Variants in FAM78B observed in about 807,000 individuals in gnomAD.
FAM78B encodes family with sequence similarity 78 member B.
FAM78B carries 10 observed loss-of-function variants against 20.0 expected under a neutral mutation model. The ratio of observed to expected loss-of-function variants is 0.50; its 90% confidence interval spans 0.31 to 0.85. The LOEUF is 0.85. Among genes scored for constraint, FAM78B ranks in the 40% least tolerant of loss-of-function variants. The probability of loss-of-function intolerance (pLI) is 0.05; values close to 1 mark genes in which losing one functional copy is unlikely to be tolerated. For synonymous variants in FAM78B, 135 were observed against 132.8 expected (o/e 1.02, Z -0.12); for missense variants, 283 against 345.0 (o/e 0.82, Z 1.42).
At chr1:166,165,553 C>T (rs191510273) in intron 1 of FAM78B, among the ~76,000 whole-genome samples, 2 of 152,290 alleles carry the variant, frequency 1.3e-5, no homozygotes, top group Non-Finnish European at 2.9e-5. Flanking sequence ...TCCGGTTTCT[C>T]CAAAGGACGC....
chr1:166,106,437 AC>A (rs1413885959), intron 1 of FAM78B, among the ~76,000 whole-genome samples: 12 of 152,060 alleles, frequency 7.9e-5, no homozygotes, highest in African/African-American at 2.9e-4. Context: ...GTACCCTAAA[AC>A]TTAAATTAAA....
intron 1 of FAM78B, among the ~76,000 whole-genome samples, chr1:166,099,523 G>A (rs978512678): frequency 6.6e-6 from 1 of 152,146 alleles, no homozygotes; most frequent in East Asian, 1.9e-4. Context: ...CTGCCTTCAG[G>A]AGACTCACCT....
At chr1:166,117,298 C>T (rs1654297484) in intron 1 of FAM78B, among the ~76,000 whole-genome samples, 1 of 152,156 alleles carries the variant, frequency 6.6e-6, no homozygotes, top group Non-Finnish European at 1.5e-5. Context: ...ATGTAGTTTG[C>T]TGTTGCTGTA....
At chr1:166,114,488 G>C (rs1654184423) in intron 1 of FAM78B, among the ~76,000 whole-genome samples, 1 of 152,212 alleles carries the variant, frequency 6.6e-6, no homozygotes, top group Middle Eastern at 3.2e-3. Flanking sequence ...TTCCCCCCAG[G>C]AAGGGGTTTA....
chr1:166,147,394 C>T (rs530456691), intron 1 of FAM78B, among the ~76,000 whole-genome samples: 2 of 152,290 alleles, frequency 1.3e-5, no homozygotes, highest in East Asian at 3.9e-4. Context: ...CAGCTCAGGC[C>T]AGACCTTCTT....
In FAM78B at chr1:166,081,568, G is replaced by A. The variant is rs375315811; in HGVS notation, c.264-10805C>T. Among the ~76,000 whole-genome samples the A allele has an allele frequency of 1.2e-4, 18 of 152,244 alleles. No individual in the cohort carries two copies. In the South Asian group the frequency reaches 2.9e-3, roughly 25 times the overall value. On this transcript the variant is annotated intron_variant, in intron 1 of 1. Coordinates refer to ENST00000354422, the MANE Select transcript of FAM78B (RefSeq NM_001017961.5). ...CCAGGCTGTGTCCCTTACAAGGGTC[G>A]TGTCCCCTGACCACACAGCAAGCCC...
intron 1 of FAM78B, among the ~76,000 whole-genome samples, chr1:166,132,301 C>CTAAT (rs397813190): frequency 6.6e-6 from 1 of 151,746 alleles, no homozygotes. Context: ...TCTCCCCTAA[C>CTAAT]CCTCGCGGTG....
At chr1:166,143,541 T>C (rs181432292) in intron 1 of FAM78B, among the ~76,000 whole-genome samples, 17 of 152,298 alleles carry the variant, frequency 1.1e-4, no homozygotes, top group African/African-American at 3.8e-4. Context: ...TGGGGAACCT[T>C]AGGAGGCTTT....
At chr1:166,057,113 A>G (rs1293433439), downstream of FAM78B, among the ~76,000 whole-genome samples, 3 of 152,218 alleles carry the variant, frequency 2.0e-5, no homozygotes, top group Non-Finnish European at 4.4e-5. Flanking sequence ...TGTTGTTTAT[A>G]GGCCACCCAA....
intron 1 of FAM78B, among the ~76,000 whole-genome samples, chr1:166,151,685 T>C (rs895222470): frequency 2.0e-5 from 3 of 152,238 alleles, no homozygotes; most frequent in Non-Finnish European, 4.4e-5. Context: ...GTAGGAGCTG[T>C]ACCCAAATGT....
At position 166,070,612 on chromosome 1, in the gene FAM78B, T is replaced by G; in HGVS notation, c.415A>C (p.Asn139His). 6.2e-7 allele frequency: 1 copy of G among 1,613,776 alleles called. No individual in the cohort carries two copies. Among genetic ancestry groups the G allele is most frequent in the East Asian group, 2.2e-5 (1 of 44,880 alleles). The change falls in exon 2 of 2, where the codon AAT becomes CAT. Residue 139 changes from asparagine (N) to histidine (H), a missense_variant. Coordinates refer to ENST00000354422, the MANE Select transcript of FAM78B (RefSeq NM_001017961.5). ...GTCACACTGGGGTAGAAGTTGTCAT[T>G]CATGCTGACGGAGAACCTGGAGATC... The part of the protein sequence containing the change: ...NKISRFSVSM[N>H]DNFYPSVTWA...
intron 1 of FAM78B, among the ~76,000 whole-genome samples, chr1:166,089,310 C>G (rs1348861565): frequency 6.6e-6 from 1 of 152,190 alleles, no homozygotes; most frequent in Non-Finnish European, 1.5e-5. Flanking sequence ...GATTGGAACA[C>G]CTTAACTGAT....
chr1:166,072,929 C>T (rs1278891050), intron 1 of FAM78B, among the ~76,000 whole-genome samples: 1 of 152,134 alleles, frequency 6.6e-6, no homozygotes, highest in Non-Finnish European at 1.5e-5. Flanking sequence ...CATATTTTTG[C>T]CTCCCATCTT....
At chr1:166,126,260 C>A (rs1207957236) in intron 1 of FAM78B, among the ~76,000 whole-genome samples, 1 of 152,134 alleles carries the variant, frequency 6.6e-6, no homozygotes, top group Non-Finnish European at 1.5e-5. Context: ...TGTGTTAATC[C>A]TTTTGACAGT....
At chr1:166,075,974 A>C (rs1312113751) in intron 1 of FAM78B, among the ~76,000 whole-genome samples, 3 of 152,176 alleles carry the variant, frequency 2.0e-5, no homozygotes, top group Non-Finnish European at 4.4e-5. Context: ...CTGTGGATGC[A>C]ATCAAAATAT....
At chr1:166,136,373 G>C (rs530591083) in intron 1 of FAM78B, among the ~76,000 whole-genome samples, 71 of 152,254 alleles carry the variant, frequency 4.7e-4, no homozygotes, top group African/African-American at 1.7e-3. Flanking sequence ...GCAGGGACAG[G>C]GTGTGAGGGT....
At chr1:166,091,253 T>C (rs1198984469) in intron 1 of FAM78B, among the ~76,000 whole-genome samples, 1 of 151,896 alleles carries the variant, frequency 6.6e-6, no homozygotes, top group Non-Finnish European at 1.5e-5. Flanking sequence ...TCTGGTTGGG[T>C]TGGTGCAAGA....
intron 1 of FAM78B, among the ~76,000 whole-genome samples, chr1:166,162,252 A>C (rs1173596613): frequency 3.3e-5 from 5 of 152,206 alleles, no homozygotes; most frequent in Non-Finnish European, 7.3e-5. Context: ...GTGAGCGGGT[A>C]CAGCCAAATC....
chr1:166,101,646 G>GA (rs1653522591), intron 1 of FAM78B, among the ~76,000 whole-genome samples: 1 of 152,134 alleles, frequency 6.6e-6, no homozygotes, highest in South Asian at 2.1e-4. Context: ...GAAGTGAGAA[G>GA]GAAGTTTAGA....
Sources: gnomAD v4.1 joint callset for allele counts (sites outside exome capture counted in the v4.1 genomes callset) on GRCh38, gnomAD v4.1.1 for gene constraint, MANE v1.5 for transcripts, NCBI Gene and HGNC (gene_info 2026-07-23, HGNC 2026-07-21) for gene names.